Variants in NDUFS4 observed in about 807,000 individuals in gnomAD.
NDUFS4 encodes the protein NADH:ubiquinone oxidoreductase subunit S4, also known as NADH dehydrogenase [ubiquinone] iron-sulfur protein 4, mitochondrial.
Under a neutral mutation model 24.3 loss-of-function variants are expected in NDUFS4, and 28 were observed. That is an observed-to-expected ratio of 1.15 (90% confidence interval 0.85 to 1.58). NDUFS4 has a LOEUF of 1.58. NDUFS4 is among the 40% of genes most tolerant of loss of function. The pLI is 0.00. For synonymous variants in NDUFS4, 93 were observed against 69.7 expected (o/e 1.34, Z -1.67); for missense variants, 223 against 207.9 (o/e 1.07, Z -0.45).
chr5:53,614,345 ATG>A, intron 2 of NDUFS4, among the ~76,000 whole-genome samples: 2 of 151,964 alleles, frequency 1.3e-5, no homozygotes, highest in Non-Finnish European at 2.9e-5. Context: ...AAGAAAATGA[ATG>A]TTAAGTATTA....
chr5:53,600,858 T>C (rs1346995254), intron 1 of NDUFS4, among the ~76,000 whole-genome samples: 2 of 152,186 alleles, frequency 1.3e-5, no homozygotes, highest in East Asian at 3.8e-4. Context: ...CTTTGCAATC[T>C]AACCTATCTT....
intron 2 of NDUFS4, among the ~76,000 whole-genome samples, chr5:53,611,615 A>G (rs1750701844): frequency 6.6e-6 from 1 of 151,946 alleles, no homozygotes. Flanking sequence ...GGACTGTACC[A>G]TTATTTCCTA....
At chr5:53,616,038 T>G (rs1031834666) in intron 2 of NDUFS4, among the ~76,000 whole-genome samples, 4 of 151,914 alleles carry the variant, frequency 2.6e-5, no homozygotes, top group African/African-American at 9.7e-5. Context: ...TTATAATATC[T>G]TAAACATTCA....
chr5:53,646,063 A>G (rs1378064528), intron 2 of NDUFS4, 170 bp from the exon 3 acceptor site: 5 of 589,204 alleles, frequency 8.5e-6, no homozygotes, highest in South Asian at 3.8e-5. Context: ...AGGTATCTAA[A>G]TAGTAATTTA....
At chr5:53,626,078 G>T (rs551565258) in intron 2 of NDUFS4, among the ~76,000 whole-genome samples, 8 of 151,704 alleles carry the variant, frequency 5.3e-5, no homozygotes, top group African/African-American at 1.2e-4. Context: ...GATGTTCCCC[G>T]CCCTGTGTCC....
chr5:53,649,934 G>A (rs1751969541), intron 3 of NDUFS4, among the ~76,000 whole-genome samples: 1 of 152,060 alleles, frequency 6.6e-6, no homozygotes, highest in Admixed American at 6.6e-5. Context: ...GTGTTCATTG[G>A]CCATTTGTAT....
intron 4 of NDUFS4, among the ~76,000 whole-genome samples, chr5:53,672,986 G>A (rs1294949331): frequency 1.3e-5 from 2 of 152,074 alleles, no homozygotes; most frequent in Non-Finnish European, 2.9e-5. Flanking sequence ...AAGTAAAGAT[G>A]CAACCAAGTT....
intron 4 of NDUFS4, among the ~76,000 whole-genome samples, chr5:53,680,039 C>T (rs188260023): frequency 6.6e-6 from 1 of 152,170 alleles, no homozygotes; most frequent in East Asian, 1.9e-4. Flanking sequence ...ATAAAACTTG[C>T]AATTGCGGGA....
chr5:53,637,522 G>T (rs1174498183), intron 2 of NDUFS4, among the ~76,000 whole-genome samples: 1 of 152,034 alleles, frequency 6.6e-6, no homozygotes. Context: ...TATAGTTCCT[G>T]GATTCTAGAA....
chr5:53,566,233 A>G (rs555560819), intron 1 of NDUFS4, among the ~76,000 whole-genome samples: 32 of 152,302 alleles, frequency 2.1e-4, no homozygotes, highest in Admixed American at 9.8e-4. Context: ...CCTGTATAAT[A>G]CTTGCTAGAA....
At chr5:53,640,469 A>G (rs1352182114) in intron 2 of NDUFS4, among the ~76,000 whole-genome samples, 1 of 152,148 alleles carries the variant, frequency 6.6e-6, no homozygotes, top group Admixed American at 6.6e-5. Context: ...GCATGGTGCC[A>G]TCATATGCTT....
At chr5:53,618,227 A>T (rs954605345) in intron 2 of NDUFS4, among the ~76,000 whole-genome samples, 2 of 152,160 alleles carry the variant, frequency 1.3e-5, no homozygotes, top group African/African-American at 4.8e-5. Flanking sequence ...GTGAGGCGTG[A>T]TCATGCCACT....
intron 3 of NDUFS4, among the ~76,000 whole-genome samples, chr5:53,655,383 TTTAC>T (rs901438210): frequency 6.6e-6 from 1 of 151,800 alleles, no homozygotes; most frequent in African/African-American, 2.4e-5. Flanking sequence ...TTTTTTTTTT[TTTAC>T]TTAAAGAGAA....
chr5:53,629,694 A>T (rs1053450979), intron 2 of NDUFS4, among the ~76,000 whole-genome samples: 12 of 151,958 alleles, frequency 7.9e-5, no homozygotes, highest in African/African-American at 2.7e-4. Context: ...AGAGACTAGG[A>T]TTGTAACCCC....
At chr5:53,568,677 T>G (rs1749119389) in intron 1 of NDUFS4, among the ~76,000 whole-genome samples, 1 of 152,172 alleles carries the variant, frequency 6.6e-6, no homozygotes, top group Admixed American at 6.5e-5. Flanking sequence ...ATAGCACAGC[T>G]GTTGAACTCT....
intron 2 of NDUFS4, among the ~76,000 whole-genome samples, chr5:53,620,787 A>G (rs1039564125): frequency 1.3e-5 from 2 of 152,150 alleles, no homozygotes; most frequent in Non-Finnish European, 2.9e-5. Flanking sequence ...CTGATTTCAA[A>G]TTTAATTCTG....
chr5:53,597,918 CA>C, intron 1 of NDUFS4, among the ~76,000 whole-genome samples: 1 of 152,246 alleles, frequency 6.6e-6, no homozygotes, highest in Non-Finnish European at 1.5e-5. Flanking sequence ...AGAAAACAAG[CA>C]ACCCAATTAA....
chr5:53,590,922 A>G (rs1316416973), intron 1 of NDUFS4, among the ~76,000 whole-genome samples: 2 of 152,200 alleles, frequency 1.3e-5, no homozygotes, highest in African/African-American at 4.8e-5. Context: ...TACCCATTAC[A>G]CAGTAATTCT....
intron 1 of NDUFS4, among the ~76,000 whole-genome samples, chr5:53,565,097 G>A (rs78749741): frequency 0.033 from 5,025 of 152,278 alleles, 296 homozygotes; most frequent in African/African-American, 0.11. Context: ...CAGGAGCTTT[G>A]AGAGCTCTCC....
Sources: gnomAD v4.1 joint callset for allele counts (sites outside exome capture counted in the v4.1 genomes callset) on GRCh38, gnomAD v4.1.1 for gene constraint, MANE v1.5 for transcripts, NCBI Gene and HGNC (gene_info 2026-07-23, HGNC 2026-07-21) for gene names.